BARD1: variants seen among roughly 807,000 people sequenced by gnomAD.
BARD1 encodes the protein BRCA1-associated RING domain protein 1.
A neutral mutation model predicts 77.0 loss-of-function variants in BARD1; 73 were observed. The ratio of observed to expected loss-of-function variants is 0.95; its 90% CI spans 0.79 to 1.15. The LOEUF is 1.15. Among genes scored for constraint, BARD1 ranks in the 50% most tolerant of loss-of-function variants. The pLI is 0.00. For synonymous variants in BARD1, 384 were observed against 338.0 expected (o/e 1.14, Z -1.49); for missense variants, 993 against 938.8 (o/e 1.06, Z -0.75).
At chr2:214,806,425 G>A (rs1016843409) in intron 1 of BARD1, among the ~76,000 whole-genome samples, 11 of 152,194 alleles carry the variant, frequency 7.2e-5, no homozygotes, top group South Asian at 4.1e-4. Context: ...GCTCCTTGCC[G>A]GCAATGTCAG....
chr2:214,744,669 T>C (rs531393772), intron 9 of BARD1, among the ~76,000 whole-genome samples: 11 of 152,324 alleles, frequency 7.2e-5, no homozygotes, highest in Middle Eastern at 3.4e-3. Flanking sequence ...CTCATTCTGT[T>C]GCCCAGGCTG....
At chr2:214,791,392 A>G (rs1268372668) in intron 3 of BARD1, among the ~76,000 whole-genome samples, 3 of 152,196 alleles carry the variant, frequency 2.0e-5, no homozygotes, top group African/African-American at 7.2e-5. Context: ...GAAATCTAAC[A>G]ATTTTATATG....
chr2:214,789,043 C>T (rs1695401724), intron 3 of BARD1, among the ~76,000 whole-genome samples: 1 of 151,968 alleles, frequency 6.6e-6, no homozygotes, highest in African/African-American at 2.4e-5. Flanking sequence ...AAGCTCTACA[C>T]CATGGAATTT....
At chr2:214,746,223 T>C (rs972198411) in intron 7 of BARD1, among the ~76,000 whole-genome samples, 2 of 152,156 alleles carry the variant, frequency 1.3e-5, no homozygotes, top group African/African-American at 4.8e-5. Flanking sequence ...CTTGTCCCAA[T>C]AGAGTTAAAA....
At chr2:214,792,481 C>T (rs1269778147) in intron 2 of BARD1, 36 bp from the exon 3 acceptor site, 3 of 1,447,816 alleles carry the variant, frequency 2.1e-6, no homozygotes, top group Admixed American at 2.3e-5. Flanking sequence ...AAAAGCAACC[C>T]ATTCAGCAGA....
rs543294052 is a variant in BARD1 at position 214,756,645 on chromosome 2, G to C, written c.1569-4090C>G. On this transcript the variant is annotated intron_variant, in intron 6 of 10. Transcript: ENST00000260947. ...TATATATACAATAGAATACCACTCA[G>C]CCATAAAAATGAATGAACTAATGGC... Among the ~76,000 whole-genome samples, 63 of 152,296 alleles carry C rather than the reference G, an allele frequency of 4.1e-4. 1 individual carries two copies. The highest frequency in any genetic ancestry group is 3.7e-3 in the Admixed American group (57 of 15,298).
intron 1 of BARD1, among the ~76,000 whole-genome samples, chr2:214,797,676 T>C (rs1367510849): frequency 6.6e-6 from 1 of 151,842 alleles, no homozygotes; most frequent in Non-Finnish European, 1.5e-5. Context: ...GTTTCCCAAT[T>C]AAAAAAAACA....
rs1553624773 is a variant in BARD1 at position 214,792,372 on chromosome 2, T to C, written c.289A>G (p.Ile97Val). 2 of 1,613,194 alleles carry C rather than the reference T, an allele frequency of 1.2e-6. No homozygotes were observed. Among genetic ancestry groups the C allele is most frequent in the Non-Finnish European group, 1.7e-6 (2 of 1,179,712 alleles). ...ATCATGCTGTCCAGTTGTCTATTTATCTTCAAGTCTTGTATCCAGGCCGGG... is the reference window on the plus strand; with the variant it reads ...ATCATGCTGTCCAGTTGTCTATTTACCTTCAAGTCTTGTATCCAGGCCGGG... ...YTPAWIQDLK[I>V]NRQLDSMIQL... Residue 97 changes from isoleucine (I) to valine (V), a missense_variant, in exon 3 of 11, where the codon ATA (isoleucine) becomes GTA (valine). Coordinates refer to ENST00000260947, the MANE Select transcript of BARD1 (RefSeq NM_000465.4).
Position 214,765,780 on chromosome 2 carries a change from CG to C in BARD1, c.1568+1701del, listed in dbSNP as rs932899060. Among the ~76,000 whole-genome samples, 109 of 152,034 alleles carry C rather than the reference CG, an allele frequency of 7.2e-4. 1 individual carries two copies. The highest frequency in any genetic ancestry group is 2.6e-3 in the African/African-American group (109 of 41,488). On this transcript the variant is annotated intron_variant, in intron 6 of 10. Transcript: ENST00000260947. ...CACACACACACACACAAATAAAAAC[CG>C]GAAGAATATACACATCCCCTGAATT... is the stretch of plus-strand genomic sequence containing the variant.
intron 9 of BARD1, among the ~76,000 whole-genome samples, chr2:214,734,397 T>C (rs1692481936): frequency 1.3e-5 from 2 of 152,148 alleles, no homozygotes; most frequent in African/African-American, 4.8e-5. Flanking sequence ...TGGGTTTAAA[T>C]TGAGTAGAAC....
Position 214,794,664 on chromosome 2 carries a change from T to C in BARD1, c.216-2219A>G, listed in dbSNP as rs946359413. Among the ~76,000 whole-genome samples the C allele has an allele frequency of 2.0e-5, 3 of 152,350 alleles. No homozygotes were observed. In the South Asian group the frequency reaches 6.2e-4, roughly 32 times the overall value. Reference sequence around the variant, plus strand: ...CTTTATGGTTCTCAATTCTGAAGAATGCTCAAAATGTTTGAGCACCCCTGC... The same window carrying C: ...CTTTATGGTTCTCAATTCTGAAGAACGCTCAAAATGTTTGAGCACCCCTGC... On this transcript the variant is annotated intron_variant, in intron 2 of 10. Coordinates refer to ENST00000260947, the MANE Select transcript of BARD1 (RefSeq NM_000465.4).
rs71579840 is a variant in BARD1 at position 214,809,652 on chromosome 2, G to A, written c.-83C>T. Reference sequence around the variant, plus strand: ...AACCACAGGGAAGCTGCAGGCCAGCGACTCGAAACCGGCCAAGCTCTTCCC... The same window carrying A: ...AACCACAGGGAAGCTGCAGGCCAGCAACTCGAAACCGGCCAAGCTCTTCCC... On this transcript the variant is annotated 5_prime_UTR_variant, in exon 1 of 11. Coordinates refer to ENST00000260947, the MANE Select transcript of BARD1 (RefSeq NM_000465.4). The A allele has an allele frequency of 0.023, 33,593 of 1,489,776 alleles. 462 individuals carry two copies. The highest frequency in any genetic ancestry group is 0.032 in the Middle Eastern group (135 of 4,270). 92.3% of individuals were successfully genotyped at this position (1,489,776 alleles called of 1,614,324 possible).
At chr2:214,778,306 C>T (rs1694825948) in intron 4 of BARD1, among the ~76,000 whole-genome samples, 1 of 149,730 alleles carries the variant, frequency 6.7e-6, no homozygotes. Context: ...GAGAGGCATA[C>T]ATTCAACTCA....
chr2:214,803,534 A>G (rs1298026170), intron 1 of BARD1, among the ~76,000 whole-genome samples: 2 of 152,224 alleles, frequency 1.3e-5, no homozygotes, highest in Admixed American at 1.3e-4. Context: ...CTGTGTATGC[A>G]TATCTAAAAG....
At chr2:214,794,880 C>T (rs910783467) in intron 2 of BARD1, among the ~76,000 whole-genome samples, 10 of 152,190 alleles carry the variant, frequency 6.6e-5, no homozygotes, top group African/African-American at 2.4e-4. Context: ...TGAATTCTTT[C>T]CTACGTTCAT....
At chr2:214,801,251 C>T (rs1696004742) in intron 1 of BARD1, among the ~76,000 whole-genome samples, 1 of 152,104 alleles carries the variant, frequency 6.6e-6, no homozygotes, top group Admixed American at 6.5e-5. Flanking sequence ...TAAATGTTTC[C>T]AATAAGGAAA....
chr2:214,799,360 T>C (rs1002352497), intron 1 of BARD1, among the ~76,000 whole-genome samples: 6 of 152,196 alleles, frequency 3.9e-5, no homozygotes, highest in Non-Finnish European at 8.8e-5. Context: ...CTCTTCATGT[T>C]TGTATCTCTA....
intron 1 of BARD1, among the ~76,000 whole-genome samples, chr2:214,803,373 G>C (rs1284671811): frequency 6.6e-6 from 1 of 152,180 alleles, no homozygotes; most frequent in African/African-American, 2.4e-5. Flanking sequence ...CAAGAGGAAG[G>C]CATCTGTCTC....
Position 214,781,101 on chromosome 2 carries a change from A to G in BARD1, c.773T>C (p.Ile258Thr), listed in dbSNP as rs146223579. Residue 258 changes from isoleucine to threonine, a missense_variant, in exon 4 of 11, where the codon ATA becomes ACA. Coordinates refer to ENST00000260947, the MANE Select transcript of BARD1 (RefSeq NM_000465.4). ...VISSPQINGE[I>T]DLLASGSLTE... ...CAAGGAGCCACTTGCTAGTAAGTCT[A>G]TTTCACCATTTATCTGAGGACTGGA... 458 of 1,584,878 alleles carry G rather than the reference A, an allele frequency of 2.9e-4. 7 individuals are homozygous for G. In the South Asian group the frequency reaches 4.6e-3, roughly 16 times the overall value.
Sources: allele counts gnomAD v4.1 joint callset (sites outside exome capture counted in the v4.1 genomes callset), GRCh38; gene constraint gnomAD v4.1.1; transcripts MANE v1.5; gene names NCBI Gene and HGNC (gene_info 2026-07-23, HGNC 2026-07-21).